Variants in BAALC observed in about 807,000 individuals in gnomAD.
BAALC encodes brain and acute leukemia cytoplasmic protein.
In BAALC, 9 loss-of-function variants were observed where a neutral mutation model predicts 15.5. The ratio of observed to expected loss-of-function variants is 0.58; its 90% CI spans 0.35 to 1.02. The LOEUF (loss-of-function observed/expected upper bound fraction) is 1.02, where lower values mean the gene tolerates loss of function less well. Ranked by LOEUF, BAALC falls within the 50% of genes least tolerant of loss-of-function variation. The pLI, the probability that BAALC is intolerant of heterozygous loss-of-function variation, is 0.02. For missense variants in BAALC, 201 were observed against 192.4 expected (o/e 1.04, Z -0.27); for synonymous variants, 80 against 74.6 (o/e 1.07, Z -0.37).
intron 2 of BAALC, chr8:103,215,070 G>A (rs1812528309): frequency 6.6e-6 from 1 of 152,224 alleles, no homozygotes; most frequent in Admixed American, 6.5e-5. Context: ...TACCCTCTGA[G>A]CCAGGATAAG....
In BAALC at chr8:103,228,070, C is replaced by T. The variant is rs144334771; in HGVS notation, c.409C>T (p.Arg137Ter). The change falls in exon 3 of 3, where the codon CGA becomes TGA. Residue 137 changes from arginine (R) to a stop codon, truncating the protein, a stop_gained. Transcript: ENST00000309982. LOFTEE classifies it high-confidence loss of function. Reference protein sequence around the residue: ...TDSIQQMDRSRRITKNCVN With the variant: ...TDSIQQMDRS ...TAGCATCCAACAGATGGACAGAAGT[C>T]GAAGAATCACAAAGAACTGTGTCAA... The T allele has an allele frequency of 4.6e-5, 74 of 1,612,676 alleles. No homozygotes were observed. In the African/African-American group the frequency reaches 4.9e-4, roughly 11 times the overall value.
At chr8:103,188,606 C>T (rs1811898312) in intron 1 of BAALC, among the ~76,000 whole-genome samples, 1 of 152,134 alleles carries the variant, frequency 6.6e-6, no homozygotes, top group Non-Finnish European at 1.5e-5. Context: ...GTGTGTGGAG[C>T]AGAGGGGCTC....
intron 1 of BAALC, among the ~76,000 whole-genome samples, chr8:103,191,911 C>T (rs55985336): frequency 0.1 from 15,648 of 152,058 alleles, 987 homozygotes; most frequent in African/African-American, 0.17. Context: ...AGTCAATTGC[C>T]GCATTTCAGA....
chr8:103,153,944 C>T (rs1158626078), intron 1 of BAALC, among the ~76,000 whole-genome samples: 1 of 152,104 alleles, frequency 6.6e-6, no homozygotes, highest in Non-Finnish European at 1.5e-5. Flanking sequence ...CAGAGACCGC[C>T]TGTGCACCCT....
At chr8:103,165,108 G>A (rs951713299) in intron 1 of BAALC, among the ~76,000 whole-genome samples, 1 of 152,212 alleles carries the variant, frequency 6.6e-6, no homozygotes, top group Non-Finnish European at 1.5e-5. Flanking sequence ...ATAATTGTGT[G>A]ACTGTTTAGC....
chr8:103,171,294 A>G, intron 1 of BAALC, among the ~76,000 whole-genome samples: 1 of 144,778 alleles, frequency 6.9e-6, no homozygotes, highest in Non-Finnish European at 1.5e-5. Flanking sequence ...AGAGAGAAGG[A>G]AGGGGGGAGG....
intron 1 of BAALC, among the ~76,000 whole-genome samples, chr8:103,149,288 C>T (rs575079386): frequency 6.6e-6 from 1 of 152,318 alleles, no homozygotes; most frequent in East Asian, 1.9e-4. Context: ...ACTGCCCTCT[C>T]CCTGTGCTGA....
intron 1 of BAALC, among the ~76,000 whole-genome samples, chr8:103,206,440 G>C (rs1350461007): frequency 6.6e-6 from 1 of 152,080 alleles, no homozygotes; most frequent in Non-Finnish European, 1.5e-5. Flanking sequence ...GTCCACCCAA[G>C]ACAACCTGCA....
chr8:103,170,887 A>G (rs889885062), intron 1 of BAALC, among the ~76,000 whole-genome samples: 5 of 152,224 alleles, frequency 3.3e-5, no homozygotes, highest in Admixed American at 1.3e-4. Context: ...TCCCTGAAGC[A>G]GCAATTTATT....
At chr8:103,185,879 G>C (rs967972439) in intron 1 of BAALC, among the ~76,000 whole-genome samples, 4 of 152,204 alleles carry the variant, frequency 2.6e-5, no homozygotes, top group Non-Finnish European at 5.9e-5. Context: ...TAGGGACCTT[G>C]GGTTACTTGT....
At chr8:103,170,924 T>G (rs1267421874) in intron 1 of BAALC, among the ~76,000 whole-genome samples, 1 of 152,228 alleles carries the variant, frequency 6.6e-6, no homozygotes, top group African/African-American at 2.4e-5. Flanking sequence ...ATCTGGCAGT[T>G]TCATTGAGTA....
chr8:103,180,731 G>A (rs1264843579), intron 1 of BAALC, among the ~76,000 whole-genome samples: 2 of 152,144 alleles, frequency 1.3e-5, no homozygotes, highest in African/African-American at 4.8e-5. Flanking sequence ...GCCTTCCTTG[G>A]GGAAACCCTT....
chr8:103,207,591 C>A (rs1472933589), intron 1 of BAALC, among the ~76,000 whole-genome samples: 1 of 152,124 alleles, frequency 6.6e-6, no homozygotes, highest in Non-Finnish European at 1.5e-5. Context: ...GGGGAAGAAG[C>A]CTTTCCTCTT....
chr8:103,205,956 C>G (rs1362511857), intron 1 of BAALC, among the ~76,000 whole-genome samples: 1 of 152,178 alleles, frequency 6.6e-6, no homozygotes, highest in African/African-American at 2.4e-5. Flanking sequence ...CAACAATGTC[C>G]CCACTCTGGG....
chr8:103,176,915 C>T (rs1459750297), intron 1 of BAALC, among the ~76,000 whole-genome samples: 1 of 152,172 alleles, frequency 6.6e-6, no homozygotes, highest in Admixed American at 6.5e-5. Flanking sequence ...TGCTGTGCTA[C>T]CTCCCCTTTG....
At position 103,214,379 on chromosome 8, in the gene BAALC, C is replaced by A. The variant is rs139666552; in HGVS notation, c.327+1294C>A. On this transcript the variant is annotated intron_variant, in intron 2 of 2. Coordinates refer to ENST00000309982, the MANE Select transcript of BAALC (RefSeq NM_024812.3). ...GATTGGTTAGCTATGGGACTTTCAG[C>A]TATATGGGTTTTAAGATTAACTAGA... Among the ~76,000 whole-genome samples, 954 of 152,292 alleles carry A rather than the reference C, an allele frequency of 6.3e-3. 6 individuals are homozygous for A. Among genetic ancestry groups the A allele is most frequent in the Middle Eastern group, 0.02 (6 of 294 alleles).
At chr8:103,165,382 A>C (rs527493661) in intron 1 of BAALC, 1 of 152,298 alleles carries the variant, frequency 6.6e-6, no homozygotes, top group South Asian at 2.1e-4. Context: ...AAGACAACCC[A>C]AAATGCCCCT....
intron 2 of BAALC, among the ~76,000 whole-genome samples, chr8:103,216,756 G>A (rs998258314): frequency 6.6e-6 from 1 of 152,212 alleles, no homozygotes; most frequent in Non-Finnish European, 1.5e-5. Flanking sequence ...GATTATAGGC[G>A]TGAGCCATTG....
Position 103,140,743 on chromosome 8 carries a change from ACCGCAGGAGCT to A in BAALC, c.-150_-140del. On this transcript the variant is annotated 5_prime_UTR_variant, in exon 1 of 3. Coordinates refer to ENST00000309982, the MANE Select transcript of BAALC (RefSeq NM_024812.3). The surrounding 1 kb of genome is among the most constrained non-coding windows in gnomAD (Gnocchi z 4.2). Reference sequence around the variant, plus strand: ...AGGGCCCGGACTAGGGGCGGCGGGCACCGCAGGAGCTCCGCGCGGCTGCAGCGCGGGCGGGA... The same window carrying A: ...AGGGCCCGGACTAGGGGCGGCGGGCACCGCGCGGCTGCAGCGCGGGCGGGA... 2.0e-6 allele frequency: 1 copy of A among 490,814 alleles called. No individual in the cohort carries two copies. The highest frequency in any genetic ancestry group is 9.6e-5 in the South Asian group (1 of 10,412). The allele number at this position is 490,814 out of a possible 1,614,324, so 30.4% of individuals were successfully genotyped here. A position where few individuals can be genotyped will look rare whatever the true frequency, so the allele number is the denominator to read the frequency against.
Sources: gnomAD v4.1 joint callset for allele counts (sites outside exome capture counted in the v4.1 genomes callset) on GRCh38, gnomAD v4.1.1 for gene constraint, Gnocchi (gnomAD v3.1) non-coding constraint, MANE v1.5 for transcripts, NCBI Gene and HGNC (gene_info 2026-07-23, HGNC 2026-07-21) for gene names.